RNF144A: variants seen among roughly 807,000 people sequenced by gnomAD.
RNF144A encodes ring finger protein 144A.
Under a neutral mutation model 38.7 loss-of-function variants are expected in RNF144A, and 11 were observed. That is an observed-to-expected ratio of 0.28 (90% CI 0.18 to 0.47). RNF144A has a LOEUF of 0.47. Ranked by LOEUF, RNF144A falls within the 20% of genes least tolerant of loss-of-function variation. The pLI is 0.99. For missense variants in RNF144A, 316 were observed against 377.2 expected, an observed-to-expected ratio of 0.84 and a Z score of 1.34; for synonymous variants, 149 against 143.9, an observed-to-expected ratio of 1.04 and a Z score of -0.25.
intron 1 of RNF144A, among the ~76,000 whole-genome samples, chr2:6,938,277 C>G (rs1186114312): frequency 2.9e-5 from 3 of 105,102 alleles, no homozygotes; most frequent in African/African-American, 3.7e-5. Context: ...GATGGAGTTT[C>G]GCTCTTGTTG....
intron 5 of RNF144A, among the ~76,000 whole-genome samples, chr2:7,017,299 A>AT (rs1376236166): frequency 3.7e-5 from 4 of 107,330 alleles, no homozygotes; most frequent in African/African-American, 2.0e-4. Context: ...TCAACCGTGT[A>AT]TTGTTTTTTT....
intron 2 of RNF144A, among the ~76,000 whole-genome samples, chr2:6,961,361 T>C (rs1667322903): frequency 1.3e-5 from 2 of 151,920 alleles, no homozygotes; most frequent in East Asian, 1.9e-4. Flanking sequence ...GGAGGCGTTT[T>C]ATTTTCCAGA....
chr2:7,005,395 T>C (rs886219716), intron 3 of RNF144A, among the ~76,000 whole-genome samples: 1 of 152,196 alleles, frequency 6.6e-6, no homozygotes, highest in African/African-American at 2.4e-5. Context: ...AATCCAGCCA[T>C]CAGAGTTGCC....
At chr2:6,934,976 A>C (rs958416221) in intron 1 of RNF144A, among the ~76,000 whole-genome samples, 1 of 152,186 alleles carries the variant, frequency 6.6e-6, no homozygotes, top group Non-Finnish European at 1.5e-5. Flanking sequence ...AAAAAACCAC[A>C]TGGTCAAGGT....
intron 7 of RNF144A, among the ~76,000 whole-genome samples, chr2:7,026,646 G>A (rs538227894): frequency 2.6e-5 from 4 of 152,120 alleles, no homozygotes; most frequent in South Asian, 4.1e-4. Flanking sequence ...AGCCCCGTGC[G>A]GATCATTTGG....
chr2:6,940,360 G>T (rs1665886142), intron 1 of RNF144A, among the ~76,000 whole-genome samples: 1 of 152,080 alleles, frequency 6.6e-6, no homozygotes, highest in Non-Finnish European at 1.5e-5. Context: ...ATAACATATA[G>T]TTGTTACTCA....
intron 2 of RNF144A, among the ~76,000 whole-genome samples, chr2:6,977,611 G>T (rs1403546928): frequency 6.6e-6 from 1 of 152,188 alleles, no homozygotes; most frequent in African/African-American, 2.4e-5. Flanking sequence ...GAAACTTCTG[G>T]TGCAGGAGAA....
intron 5 of RNF144A, among the ~76,000 whole-genome samples, chr2:7,017,740 T>C (rs1402999968): frequency 6.6e-6 from 1 of 152,116 alleles, no homozygotes. Context: ...TACACACACG[T>C]GTGTAGATTG....
chr2:7,016,920 T>C (rs1404155132), intron 5 of RNF144A, among the ~76,000 whole-genome samples: 1 of 152,198 alleles, frequency 6.6e-6, no homozygotes, highest in Non-Finnish European at 1.5e-5. Flanking sequence ...TCCTCTGATA[T>C]AACAGCCTTG....
downstream of RNF144A, among the ~76,000 whole-genome samples, chr2:7,068,492 C>T (rs982470162): frequency 6.6e-6 from 1 of 152,130 alleles, no homozygotes; most frequent in Non-Finnish European, 1.5e-5. Context: ...GCAGAAGAAG[C>T]AGAAAGAGAG....
At chr2:7,070,638 G>A (rs983966064), downstream of RNF144A, among the ~76,000 whole-genome samples, 2 of 152,136 alleles carry the variant, frequency 1.3e-5, no homozygotes, top group African/African-American at 4.8e-5. Context: ...TCCAATGACC[G>A]CTGTCTTTAT....
At chr2:6,930,268 T>G (rs1330258452) in intron 1 of RNF144A, among the ~76,000 whole-genome samples, 3 of 152,160 alleles carry the variant, frequency 2.0e-5, no homozygotes, top group Admixed American at 6.5e-5. Flanking sequence ...GTGAAAACAA[T>G]GGTGAGGCAG....
Position 7,024,395 on chromosome 2 carries a change from A to G in RNF144A, c.536A>G (p.Asp179Gly), listed in dbSNP as rs1282913618. ...TSAAFKMEEDDAPIKRCPKCK... is the reference protein window; with the variant it reads ...TSAAFKMEEDGAPIKRCPKCK... Reference sequence around the variant, plus strand: ...GCTGCTTTCAAAATGGAAGAAGATGACGCGCCCATCAAGCGCTGCCCCAAG... The same window carrying G: ...GCTGCTTTCAAAATGGAAGAAGATGGCGCGCCCATCAAGCGCTGCCCCAAG... Residue 179 changes from aspartate to glycine, a missense_variant, in exon 7 of 9, where the codon GAC (aspartate) becomes GGC (glycine). Asp to Gly is a moderately conservative substitution (Grantham distance 94, BLOSUM62 -1). Transcript: ENST00000320892. 1 of 1,609,254 alleles carries G rather than the reference A, an allele frequency of 6.2e-7. No individual in the cohort carries two copies. The highest frequency in any genetic ancestry group is 2.2e-5 in the East Asian group (1 of 44,766).
At chr2:6,940,626 G>T (rs1358283802) in intron 1 of RNF144A, among the ~76,000 whole-genome samples, 1 of 152,048 alleles carries the variant, frequency 6.6e-6, no homozygotes, top group Non-Finnish European at 1.5e-5. Context: ...CTGTGGACTT[G>T]CACCTCTCTC....
intron 2 of RNF144A, among the ~76,000 whole-genome samples, chr2:6,968,236 C>T (rs1182408075): frequency 6.6e-6 from 1 of 152,216 alleles, no homozygotes; most frequent in Non-Finnish European, 1.5e-5. Context: ...GAGGTATGTT[C>T]TAAACTCTTC....
chr2:6,943,693 G>A lies in RNF144A; in HGVS notation c.-12+2546G>A, dbSNP rs1005243435. Among the ~76,000 whole-genome samples the A allele has an allele frequency of 6.6e-6, 1 of 152,156 alleles. No individual in the cohort carries two copies. The highest frequency in any genetic ancestry group is 2.4e-5 in the African/African-American group (1 of 41,448). On this transcript the variant is annotated intron_variant, in intron 2 of 8. Coordinates refer to ENST00000320892, the MANE Select transcript of RNF144A (RefSeq NM_014746.6). The surrounding 1 kb of genome is among the most constrained non-coding windows in gnomAD (Gnocchi z 4.3). ...AGGAACACGGATAGTTACCAGTGGG[G>A]ATGGACCAAATGACAGATACATGCG... is the stretch of plus-strand genomic sequence containing the variant.
intron 8 of RNF144A, 40 bp downstream of exon 8, chr2:7,030,255 GAC>G (rs1491149071): frequency 8.2e-7 from 1 of 1,221,850 alleles, no homozygotes; most frequent in Non-Finnish European, 1.2e-6. Context: ...CTCAGAGAGA[GAC>G]TGTGTGTGTG....
At chr2:6,979,487 G>A (rs3771997) in intron 2 of RNF144A, among the ~76,000 whole-genome samples, 23,219 of 152,032 alleles carry the variant, frequency 0.15, 1,837 homozygotes, top group East Asian at 0.21. Context: ...ACTCTGTGAT[G>A]AAACAGACAT....
At chr2:6,949,373 T>TCCCTC (rs538397709) in intron 2 of RNF144A, among the ~76,000 whole-genome samples, 14 of 150,434 alleles carry the variant, frequency 9.3e-5, no homozygotes, top group Middle Eastern at 3.2e-3. Context: ...ATTTCACAGT[T>TCCCTC]CCCTCCCCTC....
Sources: gnomAD v4.1 joint callset for allele counts (sites outside exome capture counted in the v4.1 genomes callset) on GRCh38, gnomAD v4.1.1 for gene constraint, Gnocchi (gnomAD v3.1) non-coding constraint, MANE v1.5 for transcripts, NCBI Gene and HGNC (gene_info 2026-07-23, HGNC 2026-07-21) for gene names.